The following FAT4 variants were observed in gnomAD, a reference collection of about 807,000 sequenced individuals.
FAT4 encodes the protein protocadherin Fat 4.
A neutral mutation model predicts 303.9 loss-of-function variants in FAT4; 84 were observed. The ratio of observed to expected loss-of-function variants is 0.28; its 90% CI spans 0.23 to 0.33. The LOEUF is 0.33. Ranked by LOEUF, FAT4 falls within the 10% of genes least tolerant of loss-of-function variation. The pLI is 1.00. For missense variants in FAT4, 6,005 were observed against 6,146.8 expected (o/e 0.98, Z 0.77); for synonymous variants, 2,307 against 2,298.8 (o/e 1.00, Z -0.10).
Position 125,319,973 on chromosome 4 carries a change from C to T in FAT4, c.3562C>T (p.Gln1188Ter), listed in dbSNP as rs1336643545. Residue 1188 changes from glutamine to a stop codon, truncating the protein, a stop_gained, in exon 2 of 18, where the codon CAG becomes TAG. Transcript: ENST00000394329. LOFTEE classifies it high-confidence loss of function. Reference sequence around the variant, plus strand: ...CATAGCAACAGATCAGGGGATCCCTCAGCCTCTCAAGGATCAGGCCACTGT... The same window carrying T: ...CATAGCAACAGATCAGGGGATCCCTTAGCCTCTCAAGGATCAGGCCACTGT... The part of the protein sequence containing the change: ...TVIATDQGIP[Q>*]PLKDQATVHV... 6.2e-7 allele frequency: 1 copy of T among 1,613,072 alleles called. No homozygotes were observed.
At position 125,415,413 on chromosome 4, in the gene FAT4, C is replaced by T; in HGVS notation, c.6450C>T (p.Asn2150=). 6.2e-7 allele frequency: 1 copy of T among 1,614,086 alleles called. No homozygotes were observed. The highest frequency in any genetic ancestry group is 8.5e-7 in the Non-Finnish European group (1 of 1,179,970). ...VVVMVLDIND[N]NPIFAQALYK... ...TTATGGTACTTGACATCAATGATAA[C>T]AACCCCATCTTTGCACAAGCTTTGT... The change falls in exon 6 of 18, where the codon AAC becomes AAT. Residue 2150 remains asparagine (N), a synonymous_variant. Transcript: ENST00000394329.
rs144138812 is a variant in FAT4, at chr4:125,374,168, G to A, written c.5176-24616G>A. Among the ~76,000 whole-genome samples the A allele has an allele frequency of 1.7e-3, 262 of 152,208 alleles. 3 individuals carry two copies. The highest frequency in any genetic ancestry group is 5.8e-3 in the African/African-American group (240 of 41,520). ...TCTTTGTCACCTTCTGTGTTATCAC[G>A]TGGTGGTCTGTGAATCTTACAGAGA... On this transcript the variant is annotated intron_variant, in intron 2 of 17. Transcript: ENST00000394329.
intron 3 of FAT4, 132 bp downstream of exon 3, chr4:125,399,047 A>T (rs1734287013): frequency 2.7e-6 from 2 of 731,922 alleles, no homozygotes; most frequent in Admixed American, 5.5e-5. Context: ...AAAGAACATT[A>T]ATTCTTGAAA....
rs192467233 is a variant in FAT4, at chr4:125,415,785, A to T, written c.6822A>T (p.Thr2274=). 5.6e-5 allele frequency: 90 copies of T among 1,611,348 alleles called. No homozygotes were observed. The highest frequency in any genetic ancestry group is 7.2e-5 in the Non-Finnish European group (85 of 1,178,174). ...TAAATGTCCCTGAGAATTTAGGGACACTACCCAGAACAATTCTTCAGGTCA... is the reference window on the plus strand; with the variant it reads ...TAAATGTCCCTGAGAATTTAGGGACTCTACCCAGAACAATTCTTCAGGTCA... ...YSVNVPENLG[T]LPRTILQVVA... is the part of the protein sequence containing the mutation. Residue 2274 remains threonine, a synonymous_variant, in exon 6 of 18, where the codon ACA becomes ACT. Transcript: ENST00000394329.
intron 8 of FAT4, among the ~76,000 whole-genome samples, chr4:125,440,615 G>GAGAGAGAA (rs2126049570): frequency 7.0e-6 from 1 of 143,704 alleles, no homozygotes; most frequent in Non-Finnish European, 1.6e-5. Context: ...GTGTGTGAGA[G>GAGAGAGAA]AGAGAGAGAG....
intron 2 of FAT4, among the ~76,000 whole-genome samples, chr4:125,360,747 A>T (rs1732620303): frequency 2.0e-5 from 3 of 152,038 alleles, no homozygotes; most frequent in Non-Finnish European, 1.5e-5. Flanking sequence ...TCTTTAGGGG[A>T]GGAGGATGGA....
chr4:125,455,542 G>T (rs1197874552), intron 10 of FAT4, among the ~76,000 whole-genome samples: 1 of 152,068 alleles, frequency 6.6e-6, no homozygotes, highest in Non-Finnish European at 1.5e-5. Context: ...TATGATTATT[G>T]TTCCAATTTT....
chr4:125,390,030 A>G (rs948436423), intron 2 of FAT4, among the ~76,000 whole-genome samples: 3 of 152,186 alleles, frequency 2.0e-5, no homozygotes, highest in Non-Finnish European at 4.4e-5. Flanking sequence ...TAGAATTCCC[A>G]GTGGTCACCC....
At chr4:125,414,467 T>G (rs1734961479) in intron 5 of FAT4, among the ~76,000 whole-genome samples, 1 of 152,120 alleles carries the variant, frequency 6.6e-6, no homozygotes, top group African/African-American at 2.4e-5. Flanking sequence ...ACACGAAATA[T>G]AGAAGTACAC....
chr4:125,487,653 T>C (rs751490383), intron 17 of FAT4, 47 bp downstream of exon 17: 26 of 1,515,054 alleles, frequency 1.7e-5, no homozygotes, highest in Non-Finnish European at 2.2e-5. Context: ...AAAATTGTTC[T>C]TCAAAAAGTA....
intron 2 of FAT4, among the ~76,000 whole-genome samples, chr4:125,356,907 C>T (rs1732451419): frequency 6.6e-6 from 1 of 151,720 alleles, no homozygotes; most frequent in Non-Finnish European, 1.5e-5. Context: ...ATTAAATCTC[C>T]ACTAGTTCTT....
At position 125,490,018 on chromosome 4, in the gene FAT4, G is replaced by A. The variant is rs778549155; in HGVS notation, c.13202G>A (p.Arg4401His). The change falls in exon 18 of 18, where the codon CGT (arginine) becomes CAT (histidine). Residue 4401 changes from arginine (R) to histidine (H), a missense_variant. Transcript: ENST00000394329. ...GATCCCTCAGTGAAGATTGGCTGCCGTGGCCCGAACATTTGTGCCAGCAAC... is the reference window on the plus strand; with the variant it reads ...GATCCCTCAGTGAAGATTGGCTGCCATGGCCCGAACATTTGTGCCAGCAAC... ...KTDPSVKIGC[R>H]GPNICASNPC... 78 of 1,613,862 alleles carry A rather than the reference G, an allele frequency of 4.8e-5. No homozygotes were observed. The highest frequency in any genetic ancestry group is 1.6e-4 in the South Asian group (15 of 91,082).
chr4:125,438,183 A>G (rs1363374606), intron 8 of FAT4, among the ~76,000 whole-genome samples: 1 of 152,210 alleles, frequency 6.6e-6, no homozygotes, highest in African/African-American at 2.4e-5. Context: ...TATGAGATGT[A>G]TAAATTCCTG....
At chr4:125,421,884 C>G (rs1724914369) in intron 7 of FAT4, among the ~76,000 whole-genome samples, 1 of 152,084 alleles carries the variant, frequency 6.6e-6, no homozygotes. Context: ...AATTCTTGCT[C>G]ATCCATATCA....
intron 10 of FAT4, among the ~76,000 whole-genome samples, chr4:125,455,114 C>T (rs576665373): frequency 1.3e-5 from 2 of 152,218 alleles, no homozygotes; most frequent in Admixed American, 1.3e-4. Context: ...ATTACTTTAT[C>T]GGCTGGGAAT....
At chr4:125,370,406 A>G (rs1033650631) in intron 2 of FAT4, among the ~76,000 whole-genome samples, 2 of 152,140 alleles carry the variant, frequency 1.3e-5, no homozygotes, top group African/African-American at 4.8e-5. Flanking sequence ...ACCTAACAAC[A>G]TGAGGGATTA....
At chr4:125,362,055 A>G (rs1221641081) in intron 2 of FAT4, among the ~76,000 whole-genome samples, 1 of 152,008 alleles carries the variant, frequency 6.6e-6, no homozygotes, top group African/African-American at 2.4e-5. Flanking sequence ...ATTTGCTTAT[A>G]CTCAATTGCC....
chr4:125,330,517 G>A lies in FAT4; in HGVS notation c.5175+8931G>A, dbSNP rs1189195703. On this transcript the variant is annotated intron_variant, in intron 2 of 17. Coordinates refer to ENST00000394329, the MANE Select transcript of FAT4 (RefSeq NM_001291303.3). ...GAACACTATATATGTATAGGGGTGG[G>A]TGTGAGTGATATAATTTATTGATTT... Among the ~76,000 whole-genome samples, 6 of 152,198 alleles carry A rather than the reference G, an allele frequency of 3.9e-5. No homozygotes were observed. The East Asian group carries it at 1.2e-3, about 29-fold the overall frequency.
chr4:125,409,565 A>ACTAGG (rs1352747184), intron 5 of FAT4, among the ~76,000 whole-genome samples: 1 of 152,156 alleles, frequency 6.6e-6, no homozygotes, highest in Non-Finnish European at 1.5e-5. Context: ...CCAGCTAATA[A>ACTAGG]TATTTTAACT....
Sources: gnomAD v4.1 joint callset for allele counts (sites outside exome capture counted in the v4.1 genomes callset) on GRCh38, gnomAD v4.1.1 for gene constraint, MANE v1.5 for transcripts, NCBI Gene and HGNC (gene_info 2026-07-23, HGNC 2026-07-21) for gene names.